ZBBX: variants seen among roughly 807,000 people sequenced by gnomAD.
The protein encoded by ZBBX is zinc finger B-box domain containing.
A neutral mutation model predicts 108.5 loss-of-function variants in ZBBX; 101 were observed. The ratio of observed to expected loss-of-function variants is 0.93; its 90% confidence interval spans 0.79 to 1.10. The LOEUF (loss-of-function observed/expected upper bound fraction) is 1.10. ZBBX is among the 50% of genes least tolerant of loss of function. The pLI, the probability that ZBBX is intolerant of heterozygous loss-of-function variation, is 0.00. For missense variants in ZBBX, 1,009 were observed against 941.4 expected, an observed-to-expected ratio of 1.07 and a Z score of -0.94; for synonymous variants, 356 against 323.4, an observed-to-expected ratio of 1.10 and a Z score of -1.08.
chr3:167,179,575 A>C, the ZBBX span, among the ~76,000 whole-genome samples: 1 of 152,224 alleles, frequency 6.6e-6, no homozygotes, highest in African/African-American at 2.4e-5. Context: ...ATCATAACTG[A>C]GTATTTTCAA....
At chr3:167,241,058 A>C in intron 21 of ZBBX, 139 bp from the exon 22 acceptor site, 1 of 838,640 alleles carries the variant, frequency 1.2e-6, no homozygotes, top group Non-Finnish European at 1.7e-6. Flanking sequence ...CTGGGGCCAT[A>C]ATTTTCAATG....
At chr3:167,290,632 A>C (rs982423668) in intron 18 of ZBBX, among the ~76,000 whole-genome samples, 36 of 152,080 alleles carry the variant, frequency 2.4e-4, no homozygotes, top group African/African-American at 8.5e-4. Flanking sequence ...AATTCCAAAA[A>C]CCTGAATGCC....
intron 8 of ZBBX, among the ~76,000 whole-genome samples, chr3:167,358,501 A>G (rs1277406406): frequency 6.6e-6 from 1 of 152,194 alleles, no homozygotes; most frequent in Non-Finnish European, 1.5e-5. Context: ...TACTTAAAAT[A>G]GCTAAGTTGA....
intron 17 of ZBBX, among the ~76,000 whole-genome samples, chr3:167,302,101 T>A (rs1732796307): frequency 6.6e-6 from 1 of 152,178 alleles, no homozygotes; most frequent in Non-Finnish European, 1.5e-5. Context: ...TGAAACTTCC[T>A]TTGTGGATTT....
chr3:167,243,313 T>C (rs1721001997), intron 20 of ZBBX, among the ~76,000 whole-genome samples: 1 of 152,202 alleles, frequency 6.6e-6, no homozygotes. Context: ...CTTTTTTCAC[T>C]GCTGAAATTA....
At chr3:167,368,972 G>A (rs552173861) in intron 4 of ZBBX, among the ~76,000 whole-genome samples, 1 of 152,058 alleles carries the variant, frequency 6.6e-6, no homozygotes, top group African/African-American at 2.4e-5. Flanking sequence ...TAAAACAATA[G>A]ACGAAATATA....
intron 12 of ZBBX, among the ~76,000 whole-genome samples, chr3:167,318,754 T>A (rs1294376230): frequency 1.3e-5 from 2 of 151,912 alleles, no homozygotes; most frequent in Non-Finnish European, 2.9e-5. Flanking sequence ...TACCAATGCA[T>A]AAAGTCATAT....
At chr3:167,316,934 G>A in intron 14 of ZBBX, 71 bp downstream of exon 14, 1 of 795,576 alleles carries the variant, frequency 1.3e-6, no homozygotes, top group Non-Finnish European at 2.0e-6. Flanking sequence ...AAAATAATAT[G>A]CAGATGTAAG....
chr3:167,228,938 A>C, the ZBBX span, among the ~76,000 whole-genome samples: 1 of 151,694 alleles, frequency 6.6e-6, no homozygotes, highest in Non-Finnish European at 1.5e-5. Context: ...CCCTGTTACC[A>C]CTATCTAATG....
At chr3:167,348,364 G>GAAAGAA (rs1742020730) in intron 9 of ZBBX, among the ~76,000 whole-genome samples, 1 of 129,618 alleles carries the variant, frequency 7.7e-6, no homozygotes, top group Non-Finnish European at 1.7e-5. Context: ...AAGAAAGAAA[G>GAAAGAA]AAAGAAAAAA....
chr3:167,374,796 G>C (rs1213841040), intron 2 of ZBBX, among the ~76,000 whole-genome samples: 1 of 152,110 alleles, frequency 6.6e-6, no homozygotes, highest in African/African-American at 2.4e-5. Context: ...TGAAAGAAAA[G>C]AGAGAATTCA....
At chr3:167,389,631 C>T (rs762930375) in intron 1 of ZBBX, among the ~76,000 whole-genome samples, 1 of 152,096 alleles carries the variant, frequency 6.6e-6, no homozygotes, top group East Asian at 1.9e-4. Context: ...CAAAGCCTTG[C>T]CAGAATCTGT....
chr3:167,338,860 G>A (rs1740043463), intron 9 of ZBBX, among the ~76,000 whole-genome samples: 2 of 152,084 alleles, frequency 1.3e-5, no homozygotes, highest in Non-Finnish European at 2.9e-5. Flanking sequence ...TGGTTGCAGT[G>A]ATTGTTCGAT....
chr3:167,334,739 C>T (rs549740292), intron 9 of ZBBX, among the ~76,000 whole-genome samples: 3 of 151,632 alleles, frequency 2.0e-5, no homozygotes, highest in East Asian at 3.9e-4. Flanking sequence ...TAGATAGATG[C>T]GATATTTTGT....
At chr3:167,394,719 C>G (rs1748177966) in intron 1 of ZBBX, among the ~76,000 whole-genome samples, 1 of 151,920 alleles carries the variant, frequency 6.6e-6, no homozygotes, top group African/African-American at 2.4e-5. Context: ...GAAATTAGTT[C>G]CTCAATAAAA....
At chr3:167,199,774 G>T in the ZBBX span, among the ~76,000 whole-genome samples, 4 of 152,068 alleles carry the variant, frequency 2.6e-5, no homozygotes, top group African/African-American at 9.7e-5. Flanking sequence ...TCCTCCATAG[G>T]GTTTACAGAT....
chr3:167,220,171 T>A, the ZBBX span, among the ~76,000 whole-genome samples: 2 of 151,944 alleles, frequency 1.3e-5, no homozygotes, highest in African/African-American at 4.8e-5. Context: ...TAAGAATGAA[T>A]ACCAATTCTG....
Position 167,322,098 on chromosome 3 carries a change from T to C in ZBBX, c.983+19A>G. 1 of 1,203,612 alleles carries C rather than the reference T, an allele frequency of 8.3e-7. No homozygotes were observed. The highest frequency in any genetic ancestry group is 1.1e-6 in the Non-Finnish European group (1 of 902,622). 74.6% of individuals were successfully genotyped at this position (1,203,612 alleles called of 1,614,324 possible). A position where few individuals can be genotyped will look rare whatever the true frequency, so the allele number is the denominator to read the frequency against. On this transcript the variant is annotated intron_variant, in intron 12 of 21. Transcript: ENST00000675490. ...ATAACTTTCATATTTCCTAATAGTA[T>C]TATAATTTCAGAAAATACCTCCTGT...
the ZBBX span, among the ~76,000 whole-genome samples, chr3:167,200,877 A>G: frequency 1.3e-5 from 2 of 152,128 alleles, no homozygotes; most frequent in African/African-American, 4.8e-5. Flanking sequence ...TGGAAGGCTC[A>G]GGTCAGATTT....
Sources: allele counts gnomAD v4.1 joint callset (sites outside exome capture counted in the v4.1 genomes callset), GRCh38; gene constraint gnomAD v4.1.1; transcripts MANE v1.5; gene names NCBI Gene and HGNC (gene_info 2026-07-23, HGNC 2026-07-21).